PTPRN2: variants seen among roughly 807,000 people sequenced by gnomAD.
The protein encoded by PTPRN2 is receptor-type tyrosine-protein phosphatase N2.
In PTPRN2, 74 loss-of-function variants were observed where a neutral mutation model predicts 118.8. The ratio of observed to expected loss-of-function variants is 0.62; its 90% CI spans 0.52 to 0.76. The LOEUF is 0.76. Among genes scored for constraint, PTPRN2 ranks in the 30% least tolerant of loss-of-function variants. PTPRN2 has a pLI of 0.00. For missense variants in PTPRN2, 1,481 were observed against 1,394.4 expected (o/e 1.06, Z -0.99); for synonymous variants, 641 against 608.0 (o/e 1.05, Z -0.80).
chr7:158,314,263 G>T (rs1802108549), intron 3 of PTPRN2, among the ~76,000 whole-genome samples: 1 of 152,226 alleles, frequency 6.6e-6, no homozygotes, highest in Non-Finnish European at 1.5e-5. Context: ...CCAGCCATCA[G>T]AGTGGCAAAA....
intron 2 of PTPRN2, 42 bp from the exon 3 acceptor site, chr7:158,316,974 T>C (rs1467918892): frequency 6.8e-7 from 1 of 1,474,870 alleles, no homozygotes; most frequent in Admixed American, 1.9e-5. Context: ...AGACGTTTCA[T>C]TTTCAGAGAG....
rs4716762 is a variant in PTPRN2, at chr7:157,611,247, C to A, written c.2345-7172G>T. Among the ~76,000 whole-genome samples, 1 of 152,004 alleles carries A rather than the reference C, an allele frequency of 6.6e-6. No individual in the cohort carries two copies. Among genetic ancestry groups the A allele is most frequent in the African/African-American group, 2.4e-5 (1 of 41,380 alleles). ...GACAGATCTCTCAGAAAGTCGCCCC[C>A]CAATGGGATCGGAAGCATGTTGGGC... On this transcript the variant is annotated intron_variant, in intron 15 of 22. Coordinates refer to ENST00000389418, the MANE Select transcript of PTPRN2 (RefSeq NM_002847.5). The surrounding 1 kb of genome is among the most constrained non-coding windows in gnomAD (Gnocchi z 5.9).
intron 11 of PTPRN2, among the ~76,000 whole-genome samples, chr7:158,059,577 G>A (rs1436223553): frequency 4.2e-4 from 36 of 85,938 alleles, no homozygotes; most frequent in East Asian, 3.6e-4. Flanking sequence ...ATCTGCCCAC[G>A]GTGACACATC....
At chr7:158,375,077 G>A (rs969275423) in intron 2 of PTPRN2, among the ~76,000 whole-genome samples, 8 of 152,184 alleles carry the variant, frequency 5.3e-5, no homozygotes, top group South Asian at 4.1e-4. Context: ...AGCAGCAGAC[G>A]TATTTCATGG....
At position 157,603,896 on chromosome 7, in the gene PTPRN2, G is replaced by A. The variant is rs1801843184; in HGVS notation, c.2418+106C>T. 9.2e-7 allele frequency: 1 copy of A among 1,081,390 alleles called. No homozygotes were observed. The allele number at this position is 1,081,390 out of a possible 1,614,324, so 67.0% of individuals were successfully genotyped here. A position where few individuals can be genotyped will look rare whatever the true frequency, so the allele number is the denominator to read the frequency against. ...CGGCCCTGTCCACCGCAGAGACGCTGAGCTGGGTGGGGACGTGATTTCCCC... is the reference window on the plus strand; with the variant it reads ...CGGCCCTGTCCACCGCAGAGACGCTAAGCTGGGTGGGGACGTGATTTCCCC... On this transcript the variant is annotated intron_variant, in intron 16 of 22. Transcript: ENST00000389418. The surrounding 1 kb of genome is among the most constrained non-coding windows in gnomAD (Gnocchi z 5.4).
At chr7:158,048,876 TACC>T (rs1033387916) in intron 11 of PTPRN2, among the ~76,000 whole-genome samples, 14 of 19,408 alleles carry the variant, frequency 7.2e-4, no homozygotes, top group African/African-American at 2.5e-3. Flanking sequence ...ACCATCACAT[TACC>T]ACCACCATCA....
At chr7:158,115,987 T>C (rs1208012158) in intron 9 of PTPRN2, among the ~76,000 whole-genome samples, 1 of 152,170 alleles carries the variant, frequency 6.6e-6, no homozygotes, top group Non-Finnish European at 1.5e-5. Context: ...AACTGGGAAC[T>C]TGAGTTTTAT....
At chr7:158,320,003 T>A (rs1473230191) in intron 2 of PTPRN2, among the ~76,000 whole-genome samples, 31 of 4,886 alleles carry the variant, frequency 6.3e-3, no homozygotes, top group African/African-American at 0.013. Flanking sequence ...TCACACACAC[T>A]CACACAGCCT....
At chr7:158,575,658 G>A (rs540645343) in intron 1 of PTPRN2, among the ~76,000 whole-genome samples, 2 of 152,308 alleles carry the variant, frequency 1.3e-5, no homozygotes, top group African/African-American at 4.8e-5. Context: ...GAGCCAATGT[G>A]CCCGGCCAGG....
intron 9 of PTPRN2, among the ~76,000 whole-genome samples, chr7:158,112,492 CG>C (rs1434871714): frequency 6.6e-6 from 1 of 152,164 alleles, no homozygotes; most frequent in Non-Finnish European, 1.5e-5. Context: ...CTGGCCACCA[CG>C]GCTGTCCGGT....
Position 158,301,377 on chromosome 7 carries a change from A to G in PTPRN2, c.277+15442T>C, listed in dbSNP as rs1800879108. 2.6e-5 allele frequency among the ~76,000 whole-genome samples: 4 copies of G among 152,180 alleles called. No individual in the cohort carries two copies. The South Asian group carries it at 8.3e-4, about 32-fold the overall frequency. On this transcript the variant is annotated intron_variant, in intron 3 of 22. Transcript: ENST00000389418. ...TTTGCATTAATATGCGCTCAATTGTAAGAAGCTGAACAGATGTATTTATTC... is the reference window on the plus strand; with the variant it reads ...TTTGCATTAATATGCGCTCAATTGTGAGAAGCTGAACAGATGTATTTATTC...
rs548526227 is a variant in PTPRN2, at chr7:157,873,476, C to T, written c.1788+25197G>A. On this transcript the variant is annotated intron_variant, in intron 12 of 22. Coordinates refer to ENST00000389418, the MANE Select transcript of PTPRN2 (RefSeq NM_002847.5). Reference sequence around the variant, plus strand: ...CTCGCCGTGGGGGCCGGGAGGAGAACGTACCGTCCTCAAGGTCCGTCTCGC... The same window carrying T: ...CTCGCCGTGGGGGCCGGGAGGAGAATGTACCGTCCTCAAGGTCCGTCTCGC... 7.3e-4 allele frequency among the ~76,000 whole-genome samples: 111 copies of T among 151,334 alleles called. 1 individual carries two copies. The highest frequency in any genetic ancestry group is 2.5e-3 in the South Asian group (12 of 4,802).
chr7:158,321,403 T>C (rs1382491492), intron 2 of PTPRN2, among the ~76,000 whole-genome samples: 4 of 152,184 alleles, frequency 2.6e-5, no homozygotes, highest in Non-Finnish European at 4.4e-5. Flanking sequence ...AACTCTCTTC[T>C]ACTTCGGACT....
At chr7:158,226,297 T>TA (rs1020444045) in intron 3 of PTPRN2, among the ~76,000 whole-genome samples, 6 of 152,104 alleles carry the variant, frequency 3.9e-5, no homozygotes, top group African/African-American at 1.2e-4. Context: ...GCAGAATTGG[T>TA]AAAAATAATC....
rs769841901 is a variant in PTPRN2, at chr7:157,550,622, C to T, written c.2903-1603G>A. Among the ~76,000 whole-genome samples the T allele has an allele frequency of 2.0e-4, 30 of 152,294 alleles. No homozygotes were observed. The highest frequency in any genetic ancestry group is 3.9e-4 in the Admixed American group (6 of 15,300). ...GGCTCGTGGTGATGGGAGCCACTGT[C>T]GGGGCTAAGCTGGCCGTCCCTCCAG... is the stretch of plus-strand genomic sequence containing the variant. On this transcript the variant is annotated intron_variant, in intron 21 of 22. Coordinates refer to ENST00000389418, the MANE Select transcript of PTPRN2 (RefSeq NM_002847.5). This position sits in a 1 kb window ranked among gnomAD's most constrained non-coding sequence, Gnocchi z 5.2.
At chr7:158,336,743 G>T (rs1288432124) in intron 2 of PTPRN2, among the ~76,000 whole-genome samples, 3,981 of 73,126 alleles carry the variant, frequency 0.054, 459 homozygotes, top group South Asian at 0.1. Flanking sequence ...GCCCGCAGAC[G>T]TCACTCACAC....
At chr7:157,653,294 T>C (rs1484572085) in intron 14 of PTPRN2, among the ~76,000 whole-genome samples, 2 of 152,290 alleles carry the variant, frequency 1.3e-5, no homozygotes, top group Admixed American at 1.3e-4. Context: ...CTCTGTGGCT[T>C]ATCTGACCAT....
intron 12 of PTPRN2, among the ~76,000 whole-genome samples, chr7:157,877,493 C>T (rs895028561): frequency 8.1e-5 from 12 of 147,498 alleles, no homozygotes; most frequent in East Asian, 2.1e-4. Context: ...AGGGTTTCCT[C>T]GGGGCCCCGG....
chr7:158,178,762 T>C (rs1215705201), intron 5 of PTPRN2, among the ~76,000 whole-genome samples: 2 of 151,970 alleles, frequency 1.3e-5, no homozygotes, highest in Non-Finnish European at 2.9e-5. Flanking sequence ...CACGCCTGGC[T>C]AATTTTTTGT....
Sources: gnomAD v4.1 joint callset for allele counts (sites outside exome capture counted in the v4.1 genomes callset) on GRCh38, gnomAD v4.1.1 for gene constraint, Gnocchi (gnomAD v3.1) non-coding constraint, MANE v1.5 for transcripts, NCBI Gene and HGNC (gene_info 2026-07-23, HGNC 2026-07-21) for gene names.